The following LARGE1 variants were observed in gnomAD, a reference collection of about 807,000 sequenced individuals.
LARGE1 encodes LARGE xylosyl- and glucuronyltransferase 1.
A neutral mutation model predicts 87.6 loss-of-function variants in LARGE1; 43 were observed. The observed-to-expected ratio is 0.49, with a 90% CI of 0.38 to 0.63. The LOEUF is 0.63. Among genes scored for constraint, LARGE1 ranks in the 30% least tolerant of loss-of-function variants. The pLI is 0.00. For missense variants in LARGE1, 802 were observed against 1,000.2 expected (o/e 0.80, Z 2.67); for synonymous variants, 434 against 394.6 (o/e 1.10, Z -1.18).
chr22:33,838,648 T>C (rs1235436693), intron 1 of LARGE1, among the ~76,000 whole-genome samples: 1 of 152,116 alleles, frequency 6.6e-6, no homozygotes, highest in Non-Finnish European at 1.5e-5. Flanking sequence ...AAATAAATAA[T>C]TGTCCTTTAG....
At chr22:33,679,681 A>G (rs1603114284) in intron 2 of LARGE1, among the ~76,000 whole-genome samples, 2 of 152,272 alleles carry the variant, frequency 1.3e-5, no homozygotes, top group Admixed American at 1.3e-4. Context: ...GTCTCTACCA[A>G]AAGTACAAAA....
intron 7 of LARGE1, among the ~76,000 whole-genome samples, chr22:33,404,220 G>A (rs1269286129): frequency 6.6e-6 from 1 of 152,190 alleles, no homozygotes. Context: ...GACAGGATCT[G>A]CAGGAGGCGA....
At chr22:33,528,465 A>G (rs2072024633) in intron 6 of LARGE1, among the ~76,000 whole-genome samples, 1 of 152,208 alleles carries the variant, frequency 6.6e-6, no homozygotes, top group South Asian at 2.1e-4. Flanking sequence ...ATGGCCCTTC[A>G]TGTGTCTCAT....
intron 7 of LARGE1, among the ~76,000 whole-genome samples, chr22:33,387,142 C>T (rs1474612506): frequency 2.8e-5 from 4 of 144,098 alleles, no homozygotes; most frequent in East Asian, 2.0e-4. Flanking sequence ...AAAAAAAGGG[C>T]GGGCAGGTGT....
intron 6 of LARGE1, among the ~76,000 whole-genome samples, chr22:33,438,681 C>T (rs571293745): frequency 2.0e-5 from 3 of 152,284 alleles, no homozygotes; most frequent in Admixed American, 2.0e-4. Context: ...AATTCTTCCA[C>T]ACAGTGCATC....
chr22:33,799,447 C>CTT (rs202058120), intron 1 of LARGE1, among the ~76,000 whole-genome samples: 2 of 128,746 alleles, frequency 1.6e-5, no homozygotes, highest in African/African-American at 5.4e-5. Flanking sequence ...TAAGAAACTT[C>CTT]TTTTTTTTTT....
intron 9 of LARGE1, among the ~76,000 whole-genome samples, chr22:33,355,723 G>C (rs1222070711): frequency 1.7e-5 from 1 of 59,790 alleles, no homozygotes; most frequent in East Asian, 4.7e-4. Flanking sequence ...ATGCACCTGA[G>C]CCTTCTATAG....
At chr22:33,855,637 C>T (rs1416269529) in intron 1 of LARGE1, among the ~76,000 whole-genome samples, 2 of 152,162 alleles carry the variant, frequency 1.3e-5, no homozygotes, top group East Asian at 1.9e-4. Context: ...GGGAAAGGCC[C>T]TCAAGGAATT....
rs576587982 is a variant in LARGE1 at position 33,317,379 on chromosome 22, G to A, written c.1288-1131C>T. Among the ~76,000 whole-genome samples the A allele has an allele frequency of 3.3e-5, 5 of 152,018 alleles. No homozygotes were observed. The South Asian group carries it at 6.2e-4, about 19-fold the overall frequency. ...GATTTCAATTTTTGTACTAGGTCTC[G>A]GAAAAAAACAAAACAAAACAAAACT... On this transcript the variant is annotated intron_variant, in intron 10 of 14. Coordinates refer to ENST00000397394, the MANE Select transcript of LARGE1 (RefSeq NM_133642.5).
intron 1 of LARGE1, among the ~76,000 whole-genome samples, chr22:33,790,176 A>G (rs2085777708): frequency 6.6e-6 from 1 of 152,164 alleles, no homozygotes; most frequent in Non-Finnish European, 1.5e-5. Context: ...TGAGAATTTT[A>G]CAAATGGGAG....
At chr22:33,911,208 G>T (rs1388434502) in intron 1 of LARGE1, among the ~76,000 whole-genome samples, 3 of 152,156 alleles carry the variant, frequency 2.0e-5, no homozygotes, top group African/African-American at 7.2e-5. Context: ...CTAGGTTCTG[G>T]TTCCACCTCC....
At chr22:33,191,167 T>G (rs1448445501) in intron 11 of LARGE1, among the ~76,000 whole-genome samples, 1 of 152,216 alleles carries the variant, frequency 6.6e-6, no homozygotes, top group Non-Finnish European at 1.5e-5. Flanking sequence ...TCAATATTAT[T>G]TTACACAACT....
intron 5 of LARGE1, among the ~76,000 whole-genome samples, chr22:33,592,091 G>T (rs1263994312): frequency 7.2e-6 from 1 of 138,124 alleles, no homozygotes; most frequent in Non-Finnish European, 1.6e-5. Context: ...AGGAGGGGAG[G>T]GGAGGGGAGG....
At chr22:33,873,319 G>A (rs1435992083) in intron 1 of LARGE1, 2 of 152,282 alleles carry the variant, frequency 1.3e-5, no homozygotes, top group African/African-American at 4.8e-5. Flanking sequence ...CACGAGCAGC[G>A]CACGACAAAG....
At chr22:33,741,044 A>G (rs763346761) in intron 2 of LARGE1, among the ~76,000 whole-genome samples, 6 of 152,260 alleles carry the variant, frequency 3.9e-5, no homozygotes, top group Non-Finnish European at 8.8e-5. Flanking sequence ...ACTTCATTAA[A>G]TAGAAGGAAA....
intron 2 of LARGE1, among the ~76,000 whole-genome samples, chr22:33,699,189 T>A (rs2149363739): frequency 6.6e-6 from 1 of 152,312 alleles, no homozygotes; most frequent in East Asian, 1.9e-4. Context: ...TAAGAAAAAC[T>A]ATTTTTCACA....
chr22:33,822,205 C>T (rs548886341), intron 1 of LARGE1, among the ~76,000 whole-genome samples: 2 of 152,256 alleles, frequency 1.3e-5, no homozygotes, highest in Non-Finnish European at 2.9e-5. Flanking sequence ...GGACAATCAG[C>T]CCTACCCTAT....
At chr22:33,453,212 C>G (rs143855207) in intron 6 of LARGE1, among the ~76,000 whole-genome samples, 2,590 of 152,116 alleles carry the variant, frequency 0.017, 83 homozygotes, top group African/African-American at 0.059. Context: ...GTCACGAGTT[C>G]GAGACCAGCC....
At chr22:33,466,607 A>T (rs1490274065) in intron 6 of LARGE1, among the ~76,000 whole-genome samples, 1 of 151,740 alleles carries the variant, frequency 6.6e-6, no homozygotes, top group Non-Finnish European at 1.5e-5. Flanking sequence ...TAAATCAAAC[A>T]CCCACTATCC....
Sources: allele counts gnomAD v4.1 joint callset (sites outside exome capture counted in the v4.1 genomes callset), GRCh38; gene constraint gnomAD v4.1.1; transcripts MANE v1.5; gene names NCBI Gene and HGNC (gene_info 2026-07-23, HGNC 2026-07-21).